The following SLC7A8 variants were observed in gnomAD, a reference collection of about 807,000 sequenced individuals.
SLC7A8 encodes the protein solute carrier family 7 member 8.
In SLC7A8, 30 loss-of-function variants were observed where a neutral mutation model predicts 51.2. The observed-to-expected ratio is 0.59, with a 90% confidence interval of 0.44 to 0.80. The LOEUF is 0.80. Ranked by LOEUF, SLC7A8 falls within the 30% of genes least tolerant of loss-of-function variation. The probability of loss-of-function intolerance (pLI) is 0.00; values close to 1 mark genes in which losing one functional copy is unlikely to be tolerated. For missense variants in SLC7A8, 612 were observed against 674.4 expected (o/e 0.91, Z 1.03); for synonymous variants, 257 against 275.8 (o/e 0.93, Z 0.67).
At chr14:23,143,271 C>G in intron 3 of SLC7A8, 67 bp from the exon 4 acceptor site, 1 of 1,593,646 alleles carries the variant, frequency 6.3e-7, no homozygotes, top group South Asian at 1.1e-5. Context: ...CCAAGGCACA[C>G]AAGCAGAACT....
chr14:23,161,152 G>A (rs1158762666), intron 3 of SLC7A8, among the ~76,000 whole-genome samples: 1 of 151,942 alleles, frequency 6.6e-6, no homozygotes, highest in Non-Finnish European at 1.5e-5. Context: ...CGGCAGGCAA[G>A]CCAGTTTCAG....
rs1322026129 is a variant in SLC7A8 at position 23,131,520 on chromosome 14, T to A, written c.1054A>T (p.Ser352Cys). ...FAGAREGHLP[S>C]VLAMIHVKRC... ...TTCACGTGGATCATGGCCAACACAC[T>A]GGGAAGGTGGCCCTCTCGGGCTCCA... is the stretch of plus-strand genomic sequence containing the variant. Residue 352 changes from serine (S) to cysteine (C), a missense_variant, in exon 8 of 11, where the codon AGT (serine) becomes TGT (cysteine). By Grantham distance (112) the Ser-to-Cys change is moderately radical (BLOSUM62 -1). Coordinates refer to ENST00000316902, the MANE Select transcript of SLC7A8 (RefSeq NM_012244.4). 1.2e-6 allele frequency: 2 copies of A among 1,607,988 alleles called. No homozygotes were observed. The highest frequency in any genetic ancestry group is 1.7e-6 in the Non-Finnish European group (2 of 1,177,654).
intron 3 of SLC7A8, among the ~76,000 whole-genome samples, chr14:23,150,468 C>T (rs2048836756): frequency 6.6e-6 from 1 of 152,188 alleles, no homozygotes; most frequent in Non-Finnish European, 1.5e-5. Flanking sequence ...AGGTCTGAAT[C>T]TGAGAATCAC....
chr14:23,174,735 G>C (rs986585640), intron 1 of SLC7A8, among the ~76,000 whole-genome samples: 1 of 152,222 alleles, frequency 6.6e-6, no homozygotes, highest in Non-Finnish European at 1.5e-5. Context: ...AGAGGAGCCT[G>C]CAGTTTGCCA....
chr14:23,164,221 A>G (rs1189661258), intron 3 of SLC7A8, among the ~76,000 whole-genome samples: 9 of 152,242 alleles, frequency 5.9e-5, no homozygotes. Flanking sequence ...AAACTCATCA[A>G]GGGCAGGGAT....
rs186997756 is a variant in SLC7A8, at chr14:23,143,070, G to C, written c.634+9C>G. The C allele has an allele frequency of 1.2e-6, 2 of 1,613,518 alleles. No homozygotes were observed. Among genetic ancestry groups the C allele is most frequent in the Non-Finnish European group, 1.7e-6 (2 of 1,179,538 alleles). On this transcript the variant is annotated intron_variant, in intron 4 of 10. Transcript: ENST00000316902. Reference sequence around the variant, plus strand: ...GCTGGGCAGTACCTGTTTTTCCTGCGATACTCACCTTTGCATATCTGTACA... The same window carrying C: ...GCTGGGCAGTACCTGTTTTTCCTGCCATACTCACCTTTGCATATCTGTACA...
chr14:23,152,588 AT>A (rs2048856961), intron 3 of SLC7A8, among the ~76,000 whole-genome samples: 1 of 147,492 alleles, frequency 6.8e-6, no homozygotes, highest in Admixed American at 6.7e-5. Context: ...TAATTTTTGT[AT>A]TTTTTGTAGA....
intron 3 of SLC7A8, chr14:23,146,770 G>T (rs2048798094): frequency 6.6e-6 from 1 of 152,206 alleles, no homozygotes; most frequent in Non-Finnish European, 1.5e-5. Flanking sequence ...CATACCATGT[G>T]ACTGAGGGGA....
At chr14:23,127,453 A>C in intron 10 of SLC7A8, 110 bp from the exon 11 acceptor site, 1 of 1,291,206 alleles carries the variant, frequency 7.7e-7, no homozygotes, top group Non-Finnish European at 1.1e-6. Flanking sequence ...GCCTCTTCAG[A>C]GCAGTCAGTG....
In SLC7A8 at chr14:23,127,210, C is replaced by T; in HGVS notation, c.1575G>A (p.Lys525=). 1 of 1,614,132 alleles carries T rather than the reference C, an allele frequency of 6.2e-7. No homozygotes were observed. Among genetic ancestry groups the T allele is most frequent in the Non-Finnish European group, 8.5e-7 (1 of 1,179,994 alleles). ...QQPMYQPTPT[K]DKDVAGQPQP ...GGGGCTGCCCCGCCACGTCCTTGTC[C>T]TTCGTGGGAGTGGGTTGGTACATGG... Residue 525 remains lysine, a synonymous_variant, in exon 11 of 11, where the codon AAG becomes AAA. Coordinates refer to ENST00000316902, the MANE Select transcript of SLC7A8 (RefSeq NM_012244.4).
chr14:23,127,100 C>T lies in SLC7A8; in HGVS notation c.*77G>A. 2 of 1,551,774 alleles carry T rather than the reference C, an allele frequency of 1.3e-6. No individual in the cohort carries two copies. Among genetic ancestry groups the T allele is most frequent in the Non-Finnish European group, 1.8e-6 (2 of 1,130,706 alleles). On this transcript the variant is annotated 3_prime_UTR_variant, in exon 11 of 11. Transcript: ENST00000316902. ...AGAGAGAGGGGTGTGTGTGTACTCGCATGTGTTGGCAGGACCAAGGCAGGG... is the reference window on the plus strand; with the variant it reads ...AGAGAGAGGGGTGTGTGTGTACTCGTATGTGTTGGCAGGACCAAGGCAGGG...
At chr14:23,164,138 C>T (rs1256693370) in intron 3 of SLC7A8, among the ~76,000 whole-genome samples, 1 of 152,066 alleles carries the variant, frequency 6.6e-6, no homozygotes, top group African/African-American at 2.4e-5. Flanking sequence ...ATGCCTAGCT[C>T]CCTTCTCTGA....
Position 23,127,101 on chromosome 14 carries a change from A to T in SLC7A8, c.*76T>A. 2 of 1,555,648 alleles carry T rather than the reference A, an allele frequency of 1.3e-6. No homozygotes were observed. The highest frequency in any genetic ancestry group is 1.8e-6 in the Non-Finnish European group (2 of 1,133,436). ...GAGAGAGGGGTGTGTGTGTACTCGCATGTGTTGGCAGGACCAAGGCAGGGA... is the reference window on the plus strand; with the variant it reads ...GAGAGAGGGGTGTGTGTGTACTCGCTTGTGTTGGCAGGACCAAGGCAGGGA... On this transcript the variant is annotated 3_prime_UTR_variant, in exon 11 of 11. Transcript: ENST00000316902.
chr14:23,127,063 C>A lies in SLC7A8; in HGVS notation c.*114G>T. On this transcript the variant is annotated 3_prime_UTR_variant, in exon 11 of 11. Coordinates refer to ENST00000316902, the MANE Select transcript of SLC7A8 (RefSeq NM_012244.4). ...CACCCACACCAAAGTCCTACCACTG[C>A]CTGACAAAAGCAGAGAGAGGGGTGT... 2 of 1,337,998 alleles carry A rather than the reference C, an allele frequency of 1.5e-6. No individual in the cohort carries two copies. The highest frequency in any genetic ancestry group is 2.1e-6 in the Non-Finnish European group (2 of 958,054). 82.9% of individuals were successfully genotyped at this position (1,337,998 alleles called of 1,614,324 possible). A position where few individuals can be genotyped will look rare whatever the true frequency, so the allele number is the denominator to read the frequency against.
rs1276302524 is a variant in SLC7A8 at position 23,182,949 on chromosome 14, T to G, written c.-35A>C. The G allele has an allele frequency of 6.2e-7, 1 of 1,613,842 alleles. No homozygotes were observed. The highest frequency in any genetic ancestry group is 1.7e-5 in the Admixed American group (1 of 60,014). On this transcript the variant is annotated 5_prime_UTR_variant, in exon 1 of 11. Coordinates refer to ENST00000316902, the MANE Select transcript of SLC7A8 (RefSeq NM_012244.4). ...TAGGATTGCAACCTCAAAAGCTGCC[T>G]CCCTTTCTAAATGCGTATTCGTGTA...
In SLC7A8 at chr14:23,166,433, C is replaced by T. The variant is rs371499670; in HGVS notation, c.259G>A (p.Val87Ile). Residue 87 changes from valine (V) to isoleucine (I), a missense_variant, in exon 2 of 11, where the codon GTT becomes ATT. Coordinates refer to ENST00000316902, the MANE Select transcript of SLC7A8 (RefSeq NM_012244.4). Reference sequence around the variant, plus strand: ...TCAGCATAGCAGAGGGCTCCCACAACTGTGATGAAGCCCGTCACAATCCAG... The same window carrying T: ...TCAGCATAGCAGAGGGCTCCCACAATTGTGATGAAGCCCGTCACAATCCAG... Reference protein sequence around the residue: ...IVWIVTGFITVVGALCYAELG... With the variant: ...IVWIVTGFITIVGALCYAELG... 1.9e-6 allele frequency: 3 copies of T among 1,614,068 alleles called. No individual in the cohort carries two copies. In the African/African-American group the frequency reaches 4.0e-5, roughly 22 times the overall value.
chr14:23,161,892 A>G (rs1024187397), intron 3 of SLC7A8, among the ~76,000 whole-genome samples: 1 of 133,962 alleles, frequency 7.5e-6, no homozygotes, highest in South Asian at 2.3e-4. Flanking sequence ...GCGCCACTAC[A>G]CTCCAGCCTG....
chr14:23,165,153 G>T lies in SLC7A8; in HGVS notation c.508+132C>A. 1 of 946,672 alleles carries T rather than the reference G, an allele frequency of 1.1e-6. No individual in the cohort carries two copies. The highest frequency in any genetic ancestry group is 1.5e-6 in the Non-Finnish European group (1 of 689,326). 58.6% of individuals were successfully genotyped at this position (946,672 alleles called of 1,614,324 possible). A position where few individuals can be genotyped will look rare whatever the true frequency, so the allele number is the denominator to read the frequency against. On this transcript the variant is annotated intron_variant, in intron 3 of 10. Coordinates refer to ENST00000316902, the MANE Select transcript of SLC7A8 (RefSeq NM_012244.4). This position sits in a 1 kb window ranked among gnomAD's most constrained non-coding sequence, Gnocchi z 4.2. Reference sequence around the variant, plus strand: ...GGATCACTTGAGCCCAGGAGTTCAAGGCTGCAGTGAGCTATGATCATGCGG... The same window carrying T: ...GGATCACTTGAGCCCAGGAGTTCAATGCTGCAGTGAGCTATGATCATGCGG...
chr14:23,183,083 A>C lies in SLC7A8; in HGVS notation c.-169T>G. On this transcript the variant is annotated 5_prime_UTR_variant, in exon 1 of 11. Coordinates refer to ENST00000316902, the MANE Select transcript of SLC7A8 (RefSeq NM_012244.4). ...AAAAGAGAACACGAAAAATATTCCT[A>C]CTCCGCATTCACACTTTCTGGTCAC... is the stretch of plus-strand genomic sequence containing the variant. The C allele has an allele frequency of 2.5e-6, 1 of 406,942 alleles. No homozygotes were observed. The highest frequency in any genetic ancestry group is 3.9e-6 in the Non-Finnish European group (1 of 254,562). 25.2% of individuals were successfully genotyped at this position (406,942 alleles called of 1,614,324 possible).
Sources: gnomAD v4.1 joint callset for allele counts (sites outside exome capture counted in the v4.1 genomes callset) on GRCh38, gnomAD v4.1.1 for gene constraint, Gnocchi (gnomAD v3.1) non-coding constraint, MANE v1.5 for transcripts, NCBI Gene and HGNC (gene_info 2026-07-23, HGNC 2026-07-21) for gene names.